The following TENM2 variants were observed in gnomAD, a reference collection of about 807,000 sequenced individuals.
TENM2 encodes teneurin transmembrane protein 2.
TENM2 carries 52 observed loss-of-function variants against 245.2 expected under a neutral mutation model. The ratio of observed to expected loss-of-function variants is 0.21; its 90% CI spans 0.17 to 0.27. The LOEUF (loss-of-function observed/expected upper bound fraction) is 0.27. Ranked by LOEUF, TENM2 falls within the 10% of genes least tolerant of loss-of-function variation. The pLI is 1.00. For missense variants in TENM2, 3,046 were observed against 3,666.8 expected (o/e 0.83, Z 4.37); for synonymous variants, 1,363 against 1,438.9 (o/e 0.95, Z 1.19).
the TENM2 span, among the ~76,000 whole-genome samples, chr5:167,085,059 A>G: frequency 6.6e-6 from 1 of 152,210 alleles, no homozygotes; most frequent in East Asian, 1.9e-4. Flanking sequence ...CTGAAGTAAT[A>G]AAGAAATTCC....
At chr5:167,656,101 C>T (rs1754823160) in intron 2 of TENM2, among the ~76,000 whole-genome samples, 4 of 152,114 alleles carry the variant, frequency 2.6e-5, no homozygotes, top group Admixed American at 2.6e-4. Flanking sequence ...AATACTCAGG[C>T]CATAAAGTGC....
chr5:167,354,723 T>C (rs1356289250), intron 1 of TENM2, among the ~76,000 whole-genome samples: 1 of 152,250 alleles, frequency 6.6e-6, no homozygotes, highest in South Asian at 2.1e-4. Flanking sequence ...TTTCTTTCTT[T>C]TGAGCTGTAT....
rs1014965832 is a variant in TENM2, at chr5:168,170,506, C to G, written c.2569+7749C>G. ...TGGGTGACAGAGCGAGACTCCATCT[C>G]AAAAAGAGAGAGAGAGAGAGAAAGA... is the stretch of plus-strand genomic sequence containing the variant. On this transcript the variant is annotated intron_variant, in intron 13 of 28. Transcript: ENST00000518659. 4.0e-5 allele frequency among the ~76,000 whole-genome samples: 6 copies of G among 149,860 alleles called. No individual in the cohort carries two copies. In the South Asian group the frequency reaches 1.3e-3, roughly 32 times the overall value.
the TENM2 span, among the ~76,000 whole-genome samples, chr5:167,194,548 C>T: frequency 6.6e-6 from 1 of 151,950 alleles, no homozygotes; most frequent in Non-Finnish European, 1.5e-5. Context: ...TCATGTGAGG[C>T]ACCTGTGACT....
intron 2 of TENM2, among the ~76,000 whole-genome samples, chr5:167,469,718 A>G (rs1460101883): frequency 2.0e-5 from 3 of 151,986 alleles, no homozygotes; most frequent in Non-Finnish European, 4.4e-5. Flanking sequence ...TTTATTAGCA[A>G]TTGAAATCCT....
intron 3 of TENM2, among the ~76,000 whole-genome samples, chr5:167,907,823 A>AAC (rs1188435416): frequency 3.3e-5 from 5 of 152,038 alleles, no homozygotes; most frequent in Non-Finnish European, 7.4e-5. Context: ...CCACAGAGAT[A>AAC]AAAGTTCCAC....
the TENM2 span, among the ~76,000 whole-genome samples, chr5:167,191,893 A>G: frequency 7.4e-4 from 112 of 152,162 alleles, 1 homozygote; most frequent in East Asian, 0.015. Context: ...TCACACAGAA[A>G]TAACATGACA....
chr5:167,374,191 A>C (rs2127307510), intron 1 of TENM2, among the ~76,000 whole-genome samples: 1 of 152,332 alleles, frequency 6.6e-6, no homozygotes, highest in Admixed American at 6.5e-5. Flanking sequence ...GTAGGATTAT[A>C]ATACTGTATT....
At chr5:167,648,567 G>A (rs1261942038) in intron 2 of TENM2, among the ~76,000 whole-genome samples, 1 of 152,054 alleles carries the variant, frequency 6.6e-6, no homozygotes, top group Non-Finnish European at 1.5e-5. Flanking sequence ...CTCCTAACAG[G>A]GCCTGGAAAC....
At chr5:167,092,896 G>T in the TENM2 span, among the ~76,000 whole-genome samples, 33 of 152,108 alleles carry the variant, frequency 2.2e-4, no homozygotes. Context: ...TTAATTCGAG[G>T]GTGAAGATGA....
At chr5:167,893,947 A>G (rs1320319649) in intron 3 of TENM2, among the ~76,000 whole-genome samples, 1 of 152,222 alleles carries the variant, frequency 6.6e-6, no homozygotes, top group Non-Finnish European at 1.5e-5. Flanking sequence ...TAATAAAAAT[A>G]CTGCAGTCGT....
the TENM2 span, among the ~76,000 whole-genome samples, chr5:167,177,877 G>C: frequency 6.6e-6 from 1 of 152,152 alleles, no homozygotes; most frequent in East Asian, 1.9e-4. Context: ...TATTAGAAAA[G>C]ACGAACTGCA....
rs373990482 is a variant in TENM2 at position 167,452,341 on chromosome 5, T to C, written c.502+76868T>C. ...TGGCTCTCTTGTCTTCTCTCACTAG[T>C]GCATTATACGCAAGTCAGGGATATA... On this transcript the variant is annotated intron_variant, in intron 2 of 28. Coordinates refer to ENST00000518659, the Ensembl canonical transcript of TENM2. Among the ~76,000 whole-genome samples the C allele has an allele frequency of 3.8e-3, 586 of 152,286 alleles. 24 individuals are homozygous for C. The South Asian group carries it at 0.098, about 26-fold the overall frequency.
At chr5:167,307,633 C>G (rs1420576256) in intron 1 of TENM2, among the ~76,000 whole-genome samples, 1 of 152,150 alleles carries the variant, frequency 6.6e-6, no homozygotes, top group African/African-American at 2.4e-5. Flanking sequence ...AGCAAGAACC[C>G]TAACTCCCAC....
chr5:166,994,775 T>C, the TENM2 span, among the ~76,000 whole-genome samples: 1 of 152,180 alleles, frequency 6.6e-6, no homozygotes, highest in Non-Finnish European at 1.5e-5. Context: ...TAGCTTGCCA[T>C]CTTGAGCCAC....
At chr5:167,737,683 G>A (rs1760896678) in intron 2 of TENM2, among the ~76,000 whole-genome samples, 1 of 152,220 alleles carries the variant, frequency 6.6e-6, no homozygotes, top group South Asian at 2.1e-4. Context: ...GAGCTCTGCA[G>A]TCACGGCTAC....
At chr5:167,157,781 T>A in the TENM2 span, among the ~76,000 whole-genome samples, 1 of 152,242 alleles carries the variant, frequency 6.6e-6, no homozygotes, top group Non-Finnish European at 1.5e-5. Flanking sequence ...AAAAGTTTTA[T>A]CAATAGGAAT....
At chr5:167,590,737 G>A (rs558636525) in intron 2 of TENM2, among the ~76,000 whole-genome samples, 2 of 151,732 alleles carry the variant, frequency 1.3e-5, no homozygotes, top group African/African-American at 4.8e-5. Context: ...TCTCATTTTT[G>A]TTTCTTTGCT....
intron 2 of TENM2, among the ~76,000 whole-genome samples, chr5:167,458,486 CAAA>C: frequency 5.6e-5 from 2 of 35,792 alleles, no homozygotes; most frequent in East Asian, 6.6e-4. Flanking sequence ...GACTCCGTCT[CAAA>C]AAAACAAAAA....
Sources: allele counts gnomAD v4.1 joint callset (sites outside exome capture counted in the v4.1 genomes callset), GRCh38; gene constraint gnomAD v4.1.1; transcripts MANE v1.5; gene names NCBI Gene and HGNC (gene_info 2026-07-23, HGNC 2026-07-21).